The following DENND2B variants were observed in gnomAD, a reference collection of about 807,000 sequenced individuals.
The protein encoded by DENND2B is DENN domain-containing protein 2B.
Under a neutral mutation model 116.0 loss-of-function variants are expected in DENND2B, and 32 were observed. The observed-to-expected ratio is 0.28, with a 90% CI of 0.21 to 0.37. DENND2B has a LOEUF of 0.37. Among genes scored for constraint, DENND2B ranks in the 10% least tolerant of loss-of-function variants. The probability of loss-of-function intolerance (pLI) is 1.00; values close to 1 mark genes in which losing one functional copy is unlikely to be tolerated. For synonymous variants in DENND2B, 588 were observed against 583.9 expected, an observed-to-expected ratio of 1.01 and a Z score of -0.10; for missense variants, 1,276 against 1,477.7, an observed-to-expected ratio of 0.86 and a Z score of 2.24.
Position 8,702,886 on chromosome 11 carries a change from C to T in DENND2B, c.2572-166G>A, listed in dbSNP as rs890397079. 2.3e-5 allele frequency: 19 copies of T among 827,934 alleles called. No individual in the cohort carries two copies. Among genetic ancestry groups the T allele is most frequent in the African/African-American group, 1.2e-4 (7 of 58,148 alleles). 51.3% of individuals were successfully genotyped at this position (827,934 alleles called of 1,614,324 possible). On this transcript the variant is annotated intron_variant, in intron 13 of 19. Coordinates refer to ENST00000313726, the MANE Select transcript of DENND2B (RefSeq NM_213618.2). This position sits in a 1 kb window ranked among gnomAD's most constrained non-coding sequence, Gnocchi z 4.6. ...CCCCTCTTCTCCATCCCTCGGACTACAGCTCTGCTCTCGTAGCACTCGAAC... is the reference window on the plus strand; with the variant it reads ...CCCCTCTTCTCCATCCCTCGGACTATAGCTCTGCTCTCGTAGCACTCGAAC...
intron 1 of DENND2B, chr11:8,809,483 CCCCTGATGGGT>C (rs1406084114): frequency 1.3e-5 from 2 of 152,158 alleles, no homozygotes; most frequent in Admixed American, 6.5e-5. Flanking sequence ...GGAAGCACAA[CCCCTGATGGGT>C]CTCCGTTGCA....
rs142344349 is a variant in DENND2B at position 8,726,062 on chromosome 11, C to A, written c.1477+11G>T. On this transcript the variant is annotated intron_variant, in intron 4 of 19. Transcript: ENST00000313726. ...TGAGATGACCCAGGTGCCACCTCTG[C>A]CATTGCTTACCCACAATATCTTCAT... 923 of 1,613,958 alleles carry A rather than the reference C, an allele frequency of 5.7e-4. 6 individuals are homozygous for A. In the African/African-American group the frequency reaches 0.01, roughly 18 times the overall value.
At chr11:8,769,594 C>T (rs1462720648) in intron 1 of DENND2B, among the ~76,000 whole-genome samples, 1 of 152,054 alleles carries the variant, frequency 6.6e-6, no homozygotes, top group East Asian at 1.9e-4. Context: ...ATAAGCGTCT[C>T]GTCTTAGAAA....
chr11:8,701,890 C>T (rs1249101518), intron 14 of DENND2B, among the ~76,000 whole-genome samples: 2 of 152,028 alleles, frequency 1.3e-5, no homozygotes, highest in African/African-American at 4.8e-5. Flanking sequence ...GTGACCCATC[C>T]AGCTCTTTTC....
At chr11:8,844,634 A>G (rs1184769843) in intron 3 of DENND2B, among the ~76,000 whole-genome samples, 1 of 152,102 alleles carries the variant, frequency 6.6e-6, no homozygotes, top group Non-Finnish European at 1.5e-5. Context: ...TGATCAACCT[A>G]TACTTCTCTG....
rs139032728 is a variant in DENND2B at position 8,831,391 on chromosome 11, G to A, written c.-115+7919C>T. ...ACTACTCCTGGCTTCTGGCCACTCG[G>A]GAGCAAATACACCTCTGCAAAAGTC... is the stretch of plus-strand genomic sequence containing the variant. On this transcript the variant is annotated intron_variant, in intron 4 of 6. Coordinates refer to the DENND2B transcript ENST00000524757. 1.9e-3 allele frequency among the ~76,000 whole-genome samples: 287 copies of A among 152,202 alleles called. 1 individual carries two copies. Among genetic ancestry groups the A allele is most frequent in the African/African-American group, 6.4e-3 (266 of 41,516 alleles).
upstream of DENND2B, among the ~76,000 whole-genome samples, chr11:8,813,398 CAAAG>C (rs1199043910): frequency 6.6e-6 from 1 of 151,998 alleles, no homozygotes; most frequent in Non-Finnish European, 1.5e-5. Context: ...CAAAGAAAGA[CAAAG>C]AAAGACAAGA....
At chr11:8,866,211 G>A (rs980459356) in intron 2 of DENND2B, among the ~76,000 whole-genome samples, 7 of 152,078 alleles carry the variant, frequency 4.6e-5, no homozygotes, top group Non-Finnish European at 7.4e-5. Context: ...CGCCTGCCTC[G>A]GCCTCCCAAA....
chr11:8,862,389 CCA>C (rs1183533351), intron 2 of DENND2B, among the ~76,000 whole-genome samples: 11 of 140,490 alleles, frequency 7.8e-5, no homozygotes, highest in Non-Finnish European at 1.5e-4. Flanking sequence ...GAGGTCAGTG[CCA>C]CAGTCTCGAC....
chr11:8,876,672 T>A (rs1055323534), intron 2 of DENND2B, among the ~76,000 whole-genome samples: 10 of 151,342 alleles, frequency 6.6e-5, no homozygotes, highest in Non-Finnish European at 1.2e-4. Flanking sequence ...AGGTCAGGAG[T>A]TCAAGACCAG....
intron 2 of DENND2B, among the ~76,000 whole-genome samples, chr11:8,743,125 T>A (rs755261073): frequency 6.6e-6 from 1 of 152,134 alleles, no homozygotes; most frequent in Non-Finnish European, 1.5e-5. Flanking sequence ...TGAGTATGTG[T>A]GTGTGTGTGA....
chr11:8,752,532 G>A (rs911161054), intron 1 of DENND2B, among the ~76,000 whole-genome samples: 2 of 151,988 alleles, frequency 1.3e-5, no homozygotes, highest in African/African-American at 4.8e-5. Flanking sequence ...TAAATAAGAT[G>A]TTCAGGGAAA....
chr11:8,860,639 A>G (rs1463855238), intron 2 of DENND2B, among the ~76,000 whole-genome samples: 2 of 152,236 alleles, frequency 1.3e-5, no homozygotes, highest in Admixed American at 6.5e-5. Flanking sequence ...TACAGATTCA[A>G]TGCAATTCCT....
intron 11 of DENND2B, among the ~76,000 whole-genome samples, chr11:8,708,720 G>A (rs555560682): frequency 3.3e-5 from 5 of 152,310 alleles, no homozygotes; most frequent in Non-Finnish European, 5.9e-5. Flanking sequence ...GGGAGGCCAA[G>A]GGAGGTGGAT....
intron 11 of DENND2B, 52 bp downstream of exon 11, chr11:8,710,784 CACACACACA>C: frequency 2.0e-6 from 3 of 1,476,108 alleles, no homozygotes; most frequent in Non-Finnish European, 2.8e-6. Context: ...CACACACACA[CACACACACA>C]CCCTGGCCTA....
intron 2 of DENND2B, among the ~76,000 whole-genome samples, chr11:8,739,477 A>G (rs1373622651): frequency 6.6e-6 from 1 of 152,288 alleles, no homozygotes; most frequent in Non-Finnish European, 1.5e-5. Flanking sequence ...TTTGAACACT[A>G]TAAATCATTC....
At chr11:8,701,347 G>GGGC (rs2041595750) in intron 14 of DENND2B, among the ~76,000 whole-genome samples, 1 of 44,348 alleles carries the variant, frequency 2.3e-5, no homozygotes. Context: ...CAGCTTCCGG[G>GGGC]GGGGGGGGGG....
chr11:8,812,019 G>A (rs1316861270), upstream of DENND2B, among the ~76,000 whole-genome samples: 2 of 152,176 alleles, frequency 1.3e-5, no homozygotes, highest in Non-Finnish European at 2.9e-5. Flanking sequence ...GATTACAGGC[G>A]TGAGCCAGCA....
intron 4 of DENND2B, among the ~76,000 whole-genome samples, chr11:8,834,233 TC>T (rs1333330280): frequency 6.6e-6 from 1 of 152,206 alleles, no homozygotes; most frequent in African/African-American, 2.4e-5. Flanking sequence ...AACTGTTCAT[TC>T]CACAAGGAGA....
Sources: gnomAD v4.1 joint callset for allele counts (sites outside exome capture counted in the v4.1 genomes callset) on GRCh38, gnomAD v4.1.1 for gene constraint, Gnocchi (gnomAD v3.1) non-coding constraint, MANE v1.5 for transcripts, NCBI Gene and HGNC (gene_info 2026-07-23, HGNC 2026-07-21) for gene names.